The following PRORP variants were observed in gnomAD, a reference collection of about 807,000 sequenced individuals.
The protein encoded by PRORP is protein only RNase P catalytic subunit, also known as mitochondrial ribonuclease P catalytic subunit.
In PRORP, 51 loss-of-function variants were observed where a neutral mutation model predicts 59.4. The ratio of observed to expected loss-of-function variants is 0.86; its 90% CI spans 0.69 to 1.08. The LOEUF (loss-of-function observed/expected upper bound fraction) is 1.08. PRORP is among the 50% of genes least tolerant of loss of function. The pLI is 0.00. For missense variants in PRORP, 646 were observed against 690.3 expected (o/e 0.94, Z 0.72); for synonymous variants, 231 against 245.6 (o/e 0.94, Z 0.55).
At chr14:35,212,182 G>A (rs1257131181) in intron 5 of PRORP, among the ~76,000 whole-genome samples, 2 of 152,096 alleles carry the variant, frequency 1.3e-5, no homozygotes, top group African/African-American at 4.8e-5. Context: ...TTCTCTTGCT[G>A]TTTCCACATC....
chr14:35,267,720 G>T (rs1435326705), intron 6 of PRORP, among the ~76,000 whole-genome samples: 2 of 152,062 alleles, frequency 1.3e-5, no homozygotes, highest in African/African-American at 4.8e-5. Flanking sequence ...GGCGGAGCTT[G>T]CAGTGAGCCG....
At chr14:35,153,931 A>G (rs1021872943) in intron 4 of PRORP, among the ~76,000 whole-genome samples, 11 of 152,246 alleles carry the variant, frequency 7.2e-5, no homozygotes, top group Non-Finnish European at 1.3e-4. Context: ...AAGGGTTATT[A>G]TAAGCTAGTC....
intron 5 of PRORP, among the ~76,000 whole-genome samples, chr14:35,212,195 C>T (rs2049465427): frequency 6.6e-6 from 1 of 152,210 alleles, no homozygotes; most frequent in South Asian, 2.1e-4. Context: ...TCCACATCTG[C>T]AGCAACTTCC....
rs141491680 is a variant in PRORP, at chr14:35,270,401, C to T, written c.1425C>T (p.Ile475=). The T allele has an allele frequency of 1.7e-3, 2,795 of 1,612,830 alleles. 42 individuals carry two copies. The African/African-American group carries it at 0.029, about 17-fold the overall frequency. ...GTGTCCTTTCTTATGCCTGGTTCAGCTCGGAGGATGATCCATTCCTTCTGT... is the reference window on the plus strand; with the variant it reads ...GTGTCCTTTCTTATGCCTGGTTCAGTTCGGAGGATGATCCATTCCTTCTGT... The part of the protein sequence containing the change: ...KQASCFFADD[I]SEDDPFLLYA... The change falls in exon 7 of 8, where the codon ATC becomes ATT. Residue 475 remains isoleucine (I), a splice_region_variant and synonymous_variant. Coordinates refer to ENST00000534898, the MANE Select transcript of PRORP (RefSeq NM_014672.4).
intron 5 of PRORP, among the ~76,000 whole-genome samples, chr14:35,194,024 C>A (rs144700031): frequency 2.4e-4 from 36 of 151,964 alleles, no homozygotes; most frequent in African/African-American, 8.0e-4. Flanking sequence ...TGAGGAGCAG[C>A]ATATTAGAGT....
chr14:35,237,213 A>G (rs568861859), intron 5 of PRORP, among the ~76,000 whole-genome samples: 123 of 151,836 alleles, frequency 8.1e-4, no homozygotes, highest in African/African-American at 2.7e-3. Flanking sequence ...CTGCCTCTGC[A>G]TCCTGAGTAG....
intron 4 of PRORP, among the ~76,000 whole-genome samples, chr14:35,169,979 C>G (rs1399478061): frequency 6.6e-6 from 1 of 152,168 alleles, no homozygotes; most frequent in Non-Finnish European, 1.5e-5. Flanking sequence ...TCAGCTTTTC[C>G]TTTATCCACA....
intron 5 of PRORP, among the ~76,000 whole-genome samples, chr14:35,223,482 T>TG (rs1311711554): frequency 7.6e-6 from 1 of 131,790 alleles, no homozygotes; most frequent in Non-Finnish European, 1.6e-5. Flanking sequence ...TTTTTTGAGA[T>TG]GGAGTCTCAC....
In PRORP at chr14:35,274,186, C is replaced by T. The variant is rs1187873252; in HGVS notation, c.*620C>T. 1.3e-5 allele frequency: 2 copies of T among 152,064 alleles called. No individual in the cohort carries two copies. Among genetic ancestry groups the T allele is most frequent in the Non-Finnish European group, 2.9e-5 (2 of 68,006 alleles). The allele number at this position is 152,064 out of a possible 1,614,324, so 9.4% of individuals were successfully genotyped here. A position where few individuals can be genotyped will look rare whatever the true frequency, so the allele number is the denominator to read the frequency against. On this transcript the variant is annotated 3_prime_UTR_variant, in exon 8 of 8. Coordinates refer to ENST00000534898, the MANE Select transcript of PRORP (RefSeq NM_014672.4). ...GAAATAGAGTCTCAACTTACTCTGTCGCCAGGGCTGGAGTGCAGTGACGTG... is the reference window on the plus strand; with the variant it reads ...GAAATAGAGTCTCAACTTACTCTGTTGCCAGGGCTGGAGTGCAGTGACGTG...
chr14:35,138,053 G>A (rs1248612936), intron 4 of PRORP, among the ~76,000 whole-genome samples: 1 of 145,856 alleles, frequency 6.9e-6, no homozygotes, highest in Non-Finnish European at 1.5e-5. Flanking sequence ...GATTCTAGAA[G>A]TCCAAGATCA....
chr14:35,152,007 A>G (rs2047767073), intron 4 of PRORP, among the ~76,000 whole-genome samples: 1 of 149,136 alleles, frequency 6.7e-6, no homozygotes, highest in Admixed American at 6.7e-5. Context: ...TCATAGGACA[A>G]TAGTGGAGGG....
At chr14:35,251,192 C>T (rs2050603731) in intron 5 of PRORP, among the ~76,000 whole-genome samples, 1 of 152,158 alleles carries the variant, frequency 6.6e-6, no homozygotes, top group Non-Finnish European at 1.5e-5. Flanking sequence ...CTGCAAATGC[C>T]ATTAATTCGT....
Position 35,186,149 on chromosome 14 carries a change from AT to A in PRORP, c.1275+5390del, listed in dbSNP as rs34848889. On this transcript the variant is annotated intron_variant, in intron 5 of 7. Transcript: ENST00000534898. ...ATACACATGCCACCAAGTCCAGCTA[AT>A]TTTTTTTTTTTTTTTTTGTGGAGAC... 2.3e-4 allele frequency among the ~76,000 whole-genome samples: 30 copies of A among 131,408 alleles called. 1 individual carries two copies. The highest frequency in any genetic ancestry group is 2.2e-4 in the East Asian group (1 of 4,512). 86.2% of individuals were successfully genotyped at this position (131,408 alleles called of 152,430 possible).
intron 5 of PRORP, among the ~76,000 whole-genome samples, chr14:35,185,060 A>G (rs2048710122): frequency 6.6e-6 from 1 of 152,106 alleles, no homozygotes; most frequent in African/African-American, 2.4e-5. Flanking sequence ...TGCTGGGTTG[A>G]ATGGTAGTTC....
intron 5 of PRORP, among the ~76,000 whole-genome samples, chr14:35,219,488 TGTGACA>T (rs2049714204): frequency 6.6e-6 from 1 of 152,238 alleles, no homozygotes; most frequent in Non-Finnish European, 1.5e-5. Context: ...TTGGCCCACA[TGTGACA>T]GTGTTTAGGT....
At chr14:35,125,511 C>T (rs1017616642) in intron 2 of PRORP, among the ~76,000 whole-genome samples, 2 of 152,132 alleles carry the variant, frequency 1.3e-5, no homozygotes, top group African/African-American at 4.8e-5. Flanking sequence ...TGTGAGCCAC[C>T]ATGCTTAGTC....
At position 35,229,797 on chromosome 14, in the gene PRORP, A is replaced by AT. The variant is rs1291093589; in HGVS notation, c.1276-36923dup. Among the ~76,000 whole-genome samples the AT allele has an allele frequency of 2.0e-5, 3 of 151,998 alleles. No individual in the cohort carries two copies. In the South Asian group the frequency reaches 6.2e-4, roughly 32 times the overall value. On this transcript the variant is annotated intron_variant, in intron 5 of 7. Transcript: ENST00000534898. ...TTTGTCAATTTTTTTCATTCACTGG[A>AT]TTTTTTTCAAACAATCACAAGCTTT...
chr14:35,164,203 G>T (rs530982577), intron 4 of PRORP, among the ~76,000 whole-genome samples: 1 of 152,308 alleles, frequency 6.6e-6, no homozygotes, highest in South Asian at 2.1e-4. Flanking sequence ...ATGTAAATTA[G>T]TTCAGCCACT....
intron 5 of PRORP, among the ~76,000 whole-genome samples, chr14:35,206,645 A>G (rs1405256338): frequency 6.6e-6 from 1 of 152,176 alleles, no homozygotes; most frequent in Non-Finnish European, 1.5e-5. Flanking sequence ...TAGCAACATC[A>G]TCATATAGCA....
Sources: gnomAD v4.1 joint callset for allele counts (sites outside exome capture counted in the v4.1 genomes callset) on GRCh38, gnomAD v4.1.1 for gene constraint, MANE v1.5 for transcripts, NCBI Gene and HGNC (gene_info 2026-07-23, HGNC 2026-07-21) for gene names.